The following TXNL1 variants were observed in gnomAD, a reference collection of about 807,000 sequenced individuals.
TXNL1 encodes the protein thioredoxin-like protein 1.
In TXNL1, 14 loss-of-function variants were observed where a neutral mutation model predicts 35.5. That is an observed-to-expected ratio of 0.39 (90% CI 0.26 to 0.62). TXNL1 has a LOEUF of 0.62. TXNL1 is among the 20% of genes least tolerant of loss of function. The pLI, the probability that TXNL1 is intolerant of heterozygous loss-of-function variation, is 0.47. For synonymous variants in TXNL1, 110 were observed against 115.5 expected, an observed-to-expected ratio of 0.95 and a Z score of 0.31; for missense variants, 263 against 349.7, an observed-to-expected ratio of 0.75 and a Z score of 1.98.
chr18:56,622,972 A>T (rs1338667862), intron 3 of TXNL1, among the ~76,000 whole-genome samples: 4 of 151,912 alleles, frequency 2.6e-5, no homozygotes, highest in African/African-American at 9.7e-5. Context: ...GCTTTCTGAC[A>T]CCCTTACAAT....
intron 7 of TXNL1, among the ~76,000 whole-genome samples, chr18:56,604,253 G>A (rs1217428444): frequency 1.3e-5 from 2 of 151,948 alleles, no homozygotes; most frequent in African/African-American, 2.4e-5. Flanking sequence ...ACTAGAAGGG[G>A]AACTGGCATT....
chr18:56,610,592 T>C (rs563521668), intron 7 of TXNL1: 1 of 152,898 alleles, frequency 6.5e-6, no homozygotes, highest in South Asian at 2.1e-4. Flanking sequence ...AATAAAATTA[T>C]TCAAGTAATT....
chr18:56,634,804 T>C (rs999474039), intron 1 of TXNL1, among the ~76,000 whole-genome samples: 15 of 152,186 alleles, frequency 9.9e-5, no homozygotes, highest in Non-Finnish European at 1.5e-5. Context: ...AAAGTATAGA[T>C]AAATTGGACT....
intron 1 of TXNL1, among the ~76,000 whole-genome samples, chr18:56,629,896 T>C (rs1205175176): frequency 6.6e-6 from 1 of 151,990 alleles, no homozygotes; most frequent in Non-Finnish European, 1.5e-5. Flanking sequence ...ACAAGATCAG[T>C]AAGAAAGATA....
chr18:56,603,102 AAT>A (rs777051014), intron 7 of TXNL1, 46 bp from the exon 8 acceptor site: 143 of 1,486,462 alleles, frequency 9.6e-5, no homozygotes, highest in East Asian at 3.0e-4. Flanking sequence ...ATTGATTTTA[AAT>A]ATGAGTTATT....
intron 4 of TXNL1, 73 bp from the exon 5 acceptor site, chr18:56,616,387 G>T: frequency 7.7e-7 from 1 of 1,296,158 alleles, no homozygotes; most frequent in Non-Finnish European, 1.1e-6. Context: ...GAAGCAGAAT[G>T]AAAATAACAG....
chr18:56,599,386 T>G lies in TXNL1; in HGVS notation c.*3641A>C, dbSNP rs1384837706. On this transcript the variant is annotated 3_prime_UTR_variant, in exon 8 of 8. Transcript: ENST00000217515. Reference sequence around the variant, plus strand: ...AAGAAGTATAGGCTTAACTGGGGAATAGTCAATATTTTAAAATTTATTTAC... The same window carrying G: ...AAGAAGTATAGGCTTAACTGGGGAAGAGTCAATATTTTAAAATTTATTTAC... The G allele has an allele frequency of 3.3e-5, 5 of 151,690 alleles. No individual in the cohort carries two copies. Among genetic ancestry groups the G allele is most frequent in the African/African-American group, 1.2e-4 (5 of 41,004 alleles). The allele number at this position is 151,690 out of a possible 1,614,324, so 9.4% of individuals were successfully genotyped here. A position where few individuals can be genotyped will look rare whatever the true frequency, so the allele number is the denominator to read the frequency against.
Position 56,624,326 on chromosome 18 carries a change from G to C in TXNL1, c.331C>G (p.Pro111Ala). The change falls in exon 3 of 8, where the codon CCT becomes GCT. Residue 111 changes from proline (P) to alanine (A), a missense_variant. Transcript: ENST00000217515. ...EKIKQHLEND[P>A]GSNEDTDIPK... ...ATATCTGTGTCCTCATTGCTTCCAG[G>C]GTCATTTTCTAAGTGCTGCTTGATT... 1 of 1,613,602 alleles carries C rather than the reference G, an allele frequency of 6.2e-7. No homozygotes were observed. The highest frequency in any genetic ancestry group is 8.5e-7 in the Non-Finnish European group (1 of 1,179,756).
In TXNL1 at chr18:56,618,025, CAAG is replaced by C. The variant is rs766001871; in HGVS notation, c.468_470del (p.Phe156del). 2.5e-6 allele frequency: 4 copies of C among 1,613,790 alleles called. No homozygotes were observed. Among genetic ancestry groups the C allele is most frequent in the Non-Finnish European group, 3.4e-6 (4 of 1,179,914 alleles). ...TTACCTGTTCATCACAGTCAGATTC[CAAG>C]AAGGTTGTGTCTTTTCGTAAACAGT... On this transcript the variant is annotated inframe_deletion, in exon 4 of 8. Coordinates refer to ENST00000217515, the MANE Select transcript of TXNL1 (RefSeq NM_004786.3).
At chr18:56,606,372 G>A (rs375843174) in intron 7 of TXNL1, among the ~76,000 whole-genome samples, 18 of 151,818 alleles carry the variant, frequency 1.2e-4, no homozygotes, top group African/African-American at 3.1e-4. Flanking sequence ...GCAAGACTCC[G>A]TCTCAAAAAA....
intron 1 of TXNL1, among the ~76,000 whole-genome samples, chr18:56,627,908 A>C (rs761133587): frequency 6.6e-6 from 1 of 152,056 alleles, no homozygotes; most frequent in Non-Finnish European, 1.5e-5. Flanking sequence ...AAACTGGAAG[A>C]TTAAAACCTT....
At chr18:56,612,522 C>T (rs2024013982) in intron 6 of TXNL1, among the ~76,000 whole-genome samples, 1 of 152,046 alleles carries the variant, frequency 6.6e-6, no homozygotes, top group South Asian at 2.1e-4. Flanking sequence ...ATTCTAGGTG[C>T]TGTCTACTTT....
intron 1 of TXNL1, among the ~76,000 whole-genome samples, chr18:56,636,888 G>A (rs936535141): frequency 2.0e-5 from 3 of 152,138 alleles, no homozygotes; most frequent in African/African-American, 7.2e-5. Context: ...CTTTTCTACT[G>A]TGGCCTAGAT....
intron 1 of TXNL1, 115 bp downstream of exon 1, chr18:56,638,228 G>A (rs1252248800): frequency 2.8e-5 from 30 of 1,081,160 alleles, no homozygotes; most frequent in Non-Finnish European, 3.4e-5. Flanking sequence ...CTGGGGCTGC[G>A]GCGACTGCCG....
rs1206522095 is a variant in TXNL1, at chr18:56,638,591, G to C, written c.-151C>G. On this transcript the variant is annotated 5_prime_UTR_variant, in exon 1 of 8. Coordinates refer to ENST00000217515, the MANE Select transcript of TXNL1 (RefSeq NM_004786.3). ...GCCGAGTCTTCTCCCGGGACTCTCAGTGCCGAGTCACGCCAGGGAGCGGAG... is the reference window on the plus strand; with the variant it reads ...GCCGAGTCTTCTCCCGGGACTCTCACTGCCGAGTCACGCCAGGGAGCGGAG... 2 of 709,926 alleles carry C rather than the reference G, an allele frequency of 2.8e-6. No homozygotes were observed. Among genetic ancestry groups the C allele is most frequent in the Non-Finnish European group, 2.2e-6 (1 of 459,466 alleles). The allele number at this position is 709,926 out of a possible 1,614,324, so 44.0% of individuals were successfully genotyped here. A position where few individuals can be genotyped will look rare whatever the true frequency, so the allele number is the denominator to read the frequency against.
At chr18:56,635,954 G>A (rs1047127856) in intron 1 of TXNL1, among the ~76,000 whole-genome samples, 1 of 152,022 alleles carries the variant, frequency 6.6e-6, no homozygotes, top group Non-Finnish European at 1.5e-5. Context: ...GTATTGTTTA[G>A]AAAATAATGA....
Position 56,638,581 on chromosome 18 carries a change from G to A in TXNL1, c.-141C>T, listed in dbSNP as rs545866980. Reference sequence around the variant, plus strand: ...GGTGGCGACCGCCGAGTCTTCTCCCGGGACTCTCAGTGCCGAGTCACGCCA... The same window carrying A: ...GGTGGCGACCGCCGAGTCTTCTCCCAGGACTCTCAGTGCCGAGTCACGCCA... On this transcript the variant is annotated 5_prime_UTR_variant, in exon 1 of 8. Coordinates refer to ENST00000217515, the MANE Select transcript of TXNL1 (RefSeq NM_004786.3). 6.2e-6 allele frequency: 5 copies of A among 801,754 alleles called. No individual in the cohort carries two copies. Among genetic ancestry groups the A allele is most frequent in the East Asian group, 3.1e-5 (1 of 32,394 alleles). 49.7% of individuals were successfully genotyped at this position (801,754 alleles called of 1,614,324 possible).
chr18:56,628,094 C>G (rs145728733), intron 1 of TXNL1, among the ~76,000 whole-genome samples: 1 of 152,104 alleles, frequency 6.6e-6, no homozygotes, highest in Non-Finnish European at 1.5e-5. Flanking sequence ...ATTATCCAAA[C>G]AGTCAATAAA....
At position 56,614,509 on chromosome 18, in the gene TXNL1, G is replaced by A; in HGVS notation, c.650C>T (p.Ala217Val). ...AATATCATCCTCTGTCAGTTCCAGA[G>A]CTTGAGTTGGTTCACTTCTTTCTGC... is the stretch of plus-strand genomic sequence containing the variant. ...EEAERSEPTQALELTEDDIKE... is the reference protein window; with the variant it reads ...EEAERSEPTQVLELTEDDIKE... Residue 217 changes from alanine to valine, a missense_variant, in exon 6 of 8, where the codon GCT becomes GTT. Ala to Val is a moderately conservative substitution (Grantham distance 64). Transcript: ENST00000217515. 1 of 1,613,940 alleles carries A rather than the reference G, an allele frequency of 6.2e-7. No homozygotes were observed. The highest frequency in any genetic ancestry group is 8.5e-7 in the Non-Finnish European group (1 of 1,179,948).
Sources: allele counts gnomAD v4.1 joint callset (sites outside exome capture counted in the v4.1 genomes callset), GRCh38; gene constraint gnomAD v4.1.1; transcripts MANE v1.5; gene names NCBI Gene and HGNC (gene_info 2026-07-23, HGNC 2026-07-21).